TBC1D4: variants seen among roughly 807,000 people sequenced by gnomAD.
The protein encoded by TBC1D4 is TBC1 domain family member 4.
In TBC1D4, 121 loss-of-function variants were observed where a neutral mutation model predicts 142.5. The observed-to-expected ratio is 0.85, with a 90% CI of 0.73 to 0.99. The LOEUF (loss-of-function observed/expected upper bound fraction) is 0.99, where lower values mean the gene tolerates loss of function less well. Among genes scored for constraint, TBC1D4 ranks in the 50% least tolerant of loss-of-function variants. The probability of loss-of-function intolerance (pLI) is 0.00; values close to 1 mark genes in which losing one functional copy is unlikely to be tolerated. For missense variants in TBC1D4, 1,475 were observed against 1,606.6 expected, an observed-to-expected ratio of 0.92 and a Z score of 1.40; for synonymous variants, 630 against 628.2, an observed-to-expected ratio of 1.00 and a Z score of -0.04.
intron 5 of TBC1D4, among the ~76,000 whole-genome samples, chr13:75,347,409 T>C (rs1295585449): frequency 1.3e-5 from 2 of 152,232 alleles, no homozygotes; most frequent in African/African-American, 2.4e-5. Context: ...ATCTCCTTGT[T>C]TGTTACTGAT....
intron 2 of TBC1D4, among the ~76,000 whole-genome samples, 166 bp downstream of exon 2, chr13:75,361,860 T>C (rs1882547658): frequency 6.6e-6 from 1 of 152,120 alleles, no homozygotes; most frequent in Non-Finnish European, 1.5e-5. Context: ...CCTTCCCTAC[T>C]TTCCTCTGCA....
At chr13:75,479,256 T>G (rs572516904) in intron 1 of TBC1D4, among the ~76,000 whole-genome samples, 40 of 152,310 alleles carry the variant, frequency 2.6e-4, no homozygotes, top group African/African-American at 9.6e-4. Context: ...GGAAATCTCT[T>G]GGTTAAGAGC....
chr13:75,356,616 C>T (rs1300118226), intron 3 of TBC1D4, among the ~76,000 whole-genome samples: 2 of 152,150 alleles, frequency 1.3e-5, no homozygotes, highest in African/African-American at 4.8e-5. Context: ...TCATCATAAA[C>T]CCTGTTCTTA....
Position 75,294,961 on chromosome 13 carries a change from T to C in TBC1D4, c.3209A>G (p.Tyr1070Cys), listed in dbSNP as rs1214987108. The change falls in exon 18 of 21, where the codon TAC becomes TGC. Residue 1070 changes from tyrosine to cysteine, a missense_variant. Physicochemically the swap from Tyr to Cys is radical, Grantham distance 194. Coordinates refer to ENST00000377636, the MANE Select transcript of TBC1D4 (RefSeq NM_014832.5). ...GATTTCATTTTCTTCAAGGTGATTG[T>C]AGAGATCTCTGTGATAGTCATGAAG... ...RLLHDYHRDL[Y>C]NHLEENEISP... 3.1e-6 allele frequency: 5 copies of C among 1,613,904 alleles called. No individual in the cohort carries two copies. The highest frequency in any genetic ancestry group is 1.7e-5 in the Admixed American group (1 of 59,994).
chr13:75,338,534 T>C (rs1418908082), intron 7 of TBC1D4, among the ~76,000 whole-genome samples: 1 of 152,122 alleles, frequency 6.6e-6, no homozygotes, highest in African/African-American at 2.4e-5. Context: ...CAAGAAAACA[T>C]GAAAATATTG....
chr13:75,364,303 T>C (rs1216182206), intron 1 of TBC1D4, among the ~76,000 whole-genome samples: 2 of 152,234 alleles, frequency 1.3e-5, no homozygotes, highest in Non-Finnish European at 2.9e-5. Flanking sequence ...GCCACATCCA[T>C]TTAATATTTT....
chr13:75,294,419 A>G (rs1384717852), intron 18 of TBC1D4, among the ~76,000 whole-genome samples: 1 of 152,364 alleles, frequency 6.6e-6, no homozygotes, highest in East Asian at 1.9e-4. Flanking sequence ...AAGTCAGGTT[A>G]AGAAATGCCA....
chr13:75,384,840 T>C (rs1348881246), intron 1 of TBC1D4, among the ~76,000 whole-genome samples: 2 of 151,828 alleles, frequency 1.3e-5, no homozygotes, highest in East Asian at 3.9e-4. Context: ...AAGAAAAATC[T>C]TTCTGAAACC....
At chr13:75,390,030 C>T (rs1156724864) in intron 1 of TBC1D4, among the ~76,000 whole-genome samples, 2 of 152,034 alleles carry the variant, frequency 1.3e-5, no homozygotes, top group African/African-American at 2.4e-5. Context: ...AATCCAAGCA[C>T]TTTGGGAGGG....
intron 1 of TBC1D4, among the ~76,000 whole-genome samples, chr13:75,462,640 G>A (rs1180910922): frequency 6.6e-6 from 1 of 151,918 alleles, no homozygotes; most frequent in Non-Finnish European, 1.5e-5. Flanking sequence ...TTCCAAAGCT[G>A]AGAGAATCAT....
intron 19 of TBC1D4, among the ~76,000 whole-genome samples, chr13:75,289,329 G>T (rs543733249): frequency 1.3e-5 from 2 of 152,142 alleles, no homozygotes; most frequent in South Asian, 4.2e-4. Flanking sequence ...TGTGAAAGAA[G>T]ATTTTCTTTA....
chr13:75,321,830 T>C (rs1448646266), intron 11 of TBC1D4, among the ~76,000 whole-genome samples: 1 of 152,196 alleles, frequency 6.6e-6, no homozygotes, highest in Non-Finnish European at 1.5e-5. Flanking sequence ...AATTGAGATA[T>C]ATTAAATGGA....
Position 75,480,877 on chromosome 13 carries a change from G to GCACACACA in TBC1D4, c.498+385_498+392dup, listed in dbSNP as rs35548574. On this transcript the variant is annotated intron_variant, in intron 1 of 20. Coordinates refer to ENST00000377636, the MANE Select transcript of TBC1D4 (RefSeq NM_014832.5). ...TACACGCGCTCGCGCGCACACGCACGCACACACACACACACACACACACAC... is the reference window on the plus strand; with the variant it reads ...TACACGCGCTCGCGCGCACACGCACGCACACACACACACACACACACACACACACACAC... Among the ~76,000 whole-genome samples the GCACACACA allele has an allele frequency of 8.4e-3, 1,049 of 124,184 alleles. 10 individuals are homozygous for GCACACACA. The highest frequency in any genetic ancestry group is 0.018 in the African/African-American group (710 of 39,558). 81.5% of individuals were successfully genotyped at this position (124,184 alleles called of 152,430 possible). A position where few individuals can be genotyped will look rare whatever the true frequency, so the allele number is the denominator to read the frequency against.
intron 1 of TBC1D4, among the ~76,000 whole-genome samples, chr13:75,400,105 G>A (rs555130430): frequency 1.3e-5 from 2 of 152,322 alleles, no homozygotes; most frequent in Admixed American, 1.3e-4. Context: ...TTGCAAAATA[G>A]TGGGCAAATA....
intron 1 of TBC1D4, among the ~76,000 whole-genome samples, chr13:75,424,272 TAA>T (rs5804814): frequency 2.0e-4 from 23 of 116,040 alleles, no homozygotes; most frequent in Admixed American, 2.9e-4. Flanking sequence ...AACCCTGTCT[TAA>T]AAAAAAAAAA....
At chr13:75,379,237 C>T (rs1465799940) in intron 1 of TBC1D4, among the ~76,000 whole-genome samples, 5 of 151,832 alleles carry the variant, frequency 3.3e-5, no homozygotes, top group Middle Eastern at 3.2e-3. Context: ...TTTACACAAA[C>T]GTGAATTTTT....
intron 1 of TBC1D4, among the ~76,000 whole-genome samples, chr13:75,384,395 C>T (rs1884050837): frequency 6.6e-6 from 1 of 152,122 alleles, no homozygotes; most frequent in Non-Finnish European, 1.5e-5. Flanking sequence ...GAGATTGCTG[C>T]ACTCCAGCCT....
At chr13:75,395,284 G>T (rs1174709775) in intron 1 of TBC1D4, among the ~76,000 whole-genome samples, 1 of 152,132 alleles carries the variant, frequency 6.6e-6, no homozygotes, top group Non-Finnish European at 1.5e-5. Flanking sequence ...CAGACGCCGT[G>T]CCTCTTTCTG....
intron 2 of TBC1D4, among the ~76,000 whole-genome samples, chr13:75,360,432 A>G (rs953473203): frequency 6.6e-6 from 1 of 152,122 alleles, no homozygotes; most frequent in Non-Finnish European, 1.5e-5. Context: ...CAAAACCACC[A>G]CCAACAAAAA....
Sources: allele counts gnomAD v4.1 joint callset (sites outside exome capture counted in the v4.1 genomes callset), GRCh38; gene constraint gnomAD v4.1.1; transcripts MANE v1.5; gene names NCBI Gene and HGNC (gene_info 2026-07-23, HGNC 2026-07-21).